RPS6KC1: variants seen among roughly 807,000 people sequenced by gnomAD.
The protein encoded by RPS6KC1 is inactive ribosomal protein S6 kinase delta-1.
A neutral mutation model predicts 103.8 loss-of-function variants in RPS6KC1; 54 were observed. The ratio of observed to expected loss-of-function variants is 0.52; its 90% CI spans 0.42 to 0.65. The LOEUF (loss-of-function observed/expected upper bound fraction) is 0.65, where lower values mean the gene tolerates loss of function less well. Among genes scored for constraint, RPS6KC1 ranks in the 30% least tolerant of loss-of-function variants. The pLI is 0.00. For missense variants in RPS6KC1, 1,151 were observed against 1,253.8 expected, an observed-to-expected ratio of 0.92 and a Z score of 1.24; for synonymous variants, 439 against 438.7, an observed-to-expected ratio of 1.00 and a Z score of -0.01.
the RPS6KC1 span, among the ~76,000 whole-genome samples, chr1:213,587,587 A>G: frequency 6.6e-6 from 1 of 152,248 alleles, no homozygotes; most frequent in Non-Finnish European, 1.5e-5. Context: ...TACATAAAAA[A>G]TGAAATAATT....
chr1:213,799,333 C>T, the RPS6KC1 span, among the ~76,000 whole-genome samples: 1 of 152,074 alleles, frequency 6.6e-6, no homozygotes, highest in South Asian at 2.1e-4. Context: ...TTTTCGGGGA[C>T]AAGCTGTTAA....
chr1:213,334,721 A>G, the RPS6KC1 span, among the ~76,000 whole-genome samples: 1 of 152,190 alleles, frequency 6.6e-6, no homozygotes, highest in Admixed American at 6.5e-5. Flanking sequence ...TAACTGTACA[A>G]TAAATTTGCT....
intron 14 of RPS6KC1, among the ~76,000 whole-genome samples, chr1:213,263,728 C>T (rs2094850932): frequency 6.6e-6 from 1 of 152,090 alleles, no homozygotes; most frequent in Admixed American, 6.6e-5. Context: ...ATATTATATA[C>T]AAGGCACAGT....
the RPS6KC1 span, among the ~76,000 whole-genome samples, chr1:213,590,044 G>A: frequency 6.6e-6 from 1 of 151,540 alleles, no homozygotes; most frequent in East Asian, 1.9e-4. Flanking sequence ...TGACGAATTA[G>A]AAAAACTTCT....
chr1:213,385,702 A>T, the RPS6KC1 span, among the ~76,000 whole-genome samples: 1 of 152,138 alleles, frequency 6.6e-6, no homozygotes, highest in Non-Finnish European at 1.5e-5. Context: ...GCTACTGATG[A>T]CAGTAGACCT....
chr1:213,385,063 T>C, the RPS6KC1 span, among the ~76,000 whole-genome samples: 1 of 152,240 alleles, frequency 6.6e-6, no homozygotes, highest in Non-Finnish European at 1.5e-5. Flanking sequence ...CTTCCCATGA[T>C]GTTATACTGC....
the RPS6KC1 span, among the ~76,000 whole-genome samples, chr1:213,728,965 T>A: frequency 7.2e-4 from 102 of 141,082 alleles, no homozygotes; most frequent in African/African-American, 2.6e-3. Flanking sequence ...TTTTTTTTTT[T>A]ACCAGTGGAC....
At chr1:213,581,700 G>A in the RPS6KC1 span, among the ~76,000 whole-genome samples, 1 of 152,084 alleles carries the variant, frequency 6.6e-6, no homozygotes, top group East Asian at 1.9e-4. Flanking sequence ...CAAGCATGAA[G>A]TGGAGCCCTG....
chr1:213,102,453 G>C (rs1452329616), intron 3 of RPS6KC1, among the ~76,000 whole-genome samples: 1 of 152,188 alleles, frequency 6.6e-6, no homozygotes, highest in South Asian at 2.1e-4. Flanking sequence ...AGAAGAAAGG[G>C]AGAGAGGTTG....
chr1:213,482,386 G>A, the RPS6KC1 span, among the ~76,000 whole-genome samples: 1 of 151,700 alleles, frequency 6.6e-6, no homozygotes, highest in East Asian at 1.9e-4. Context: ...TTGTTTTGGT[G>A]TGTAAATCTT....
chr1:213,549,648 G>A, the RPS6KC1 span, among the ~76,000 whole-genome samples: 1 of 123,856 alleles, frequency 8.1e-6, no homozygotes, highest in Non-Finnish European at 1.6e-5. Flanking sequence ...GGTAGTCAGG[G>A]CATGTTAAGG....
At chr1:213,497,777 C>A in the RPS6KC1 span, among the ~76,000 whole-genome samples, 1 of 151,876 alleles carries the variant, frequency 6.6e-6, no homozygotes, top group Non-Finnish European at 1.5e-5. Context: ...GTTCCAAAAT[C>A]TAGGATTTTG....
intron 8 of RPS6KC1, among the ~76,000 whole-genome samples, chr1:213,211,326 G>T (rs2093498670): frequency 6.6e-6 from 1 of 152,202 alleles, no homozygotes; most frequent in South Asian, 2.1e-4. Context: ...TCCGTTTATG[G>T]CCTTGGGCAG....
chr1:213,806,538 C>T, the RPS6KC1 span, among the ~76,000 whole-genome samples: 990 of 149,316 alleles, frequency 6.6e-3, 10 homozygotes, highest in Non-Finnish European at 0.011. Context: ...ATGTAATGGC[C>T]TTCTTTGTCT....
the RPS6KC1 span, among the ~76,000 whole-genome samples, chr1:213,626,256 T>C: frequency 6.6e-6 from 1 of 152,252 alleles, no homozygotes; most frequent in East Asian, 1.9e-4. Flanking sequence ...TCATATCCTT[T>C]GCCCACTTTT....
chr1:213,168,222 G>T (rs570152752), intron 7 of RPS6KC1, among the ~76,000 whole-genome samples: 9 of 152,182 alleles, frequency 5.9e-5, no homozygotes, highest in Admixed American at 3.3e-4. Context: ...CTCATCTGTA[G>T]ATTGACAGTA....
chr1:213,513,586 A>AT, the RPS6KC1 span, among the ~76,000 whole-genome samples: 1 of 152,208 alleles, frequency 6.6e-6, no homozygotes. Context: ...ATCTAACCCC[A>AT]TTCTCAGGGA....
At chr1:213,413,331 C>A in the RPS6KC1 span, among the ~76,000 whole-genome samples, 1,575 of 152,178 alleles carry the variant, frequency 0.01, 25 homozygotes, top group African/African-American at 0.035. Context: ...ATTGTAGTTG[C>A]CTTAGTTGTC....
In RPS6KC1 at chr1:213,217,324, A is replaced by G. The variant is rs140263769; in HGVS notation, c.1045-13173A>G. ...ACACCCTCCCAAGACTAAACCAGGA[A>G]GAAGTTGAAACTCTGAATAGACCAA... On this transcript the variant is annotated intron_variant, in intron 8 of 14. Coordinates refer to ENST00000366960, the MANE Select transcript of RPS6KC1 (RefSeq NM_012424.6). Among the ~76,000 whole-genome samples, 1,403 of 152,304 alleles carry G rather than the reference A, an allele frequency of 9.2e-3. 42 individuals are homozygous for G. Among genetic ancestry groups the G allele is most frequent in the East Asian group, 0.07 (365 of 5,182 alleles).
Sources: gnomAD v4.1 joint callset for allele counts (sites outside exome capture counted in the v4.1 genomes callset) on GRCh38, gnomAD v4.1.1 for gene constraint, MANE v1.5 for transcripts, NCBI Gene and HGNC (gene_info 2026-07-23, HGNC 2026-07-21) for gene names.